Variants in CDC42BPA observed in about 807,000 individuals in gnomAD.
CDC42BPA encodes serine/threonine-protein kinase MRCK alpha.
Under a neutral mutation model 223.5 loss-of-function variants are expected in CDC42BPA, and 80 were observed. The ratio of observed to expected loss-of-function variants is 0.36; its 90% CI spans 0.30 to 0.43. The LOEUF (loss-of-function observed/expected upper bound fraction) is 0.43. Ranked by LOEUF, CDC42BPA falls within the 20% of genes least tolerant of loss-of-function variation. The pLI is 1.00. For missense variants in CDC42BPA, 1,743 were observed against 2,099.9 expected (o/e 0.83, Z 3.32); for synonymous variants, 694 against 718.6 (o/e 0.97, Z 0.55).
At chr1:227,099,069 A>C (rs1684516698) in intron 15 of CDC42BPA, among the ~76,000 whole-genome samples, 1 of 152,044 alleles carries the variant, frequency 6.6e-6, no homozygotes, top group Admixed American at 6.6e-5. Flanking sequence ...AGCATTACTC[A>C]CGTGTATGTG....
At chr1:227,176,889 T>G (rs1160978824) in intron 5 of CDC42BPA, among the ~76,000 whole-genome samples, 1 of 152,120 alleles carries the variant, frequency 6.6e-6, no homozygotes, top group African/African-American at 2.4e-5. Flanking sequence ...TTATAAATCT[T>G]TATCATAAAG....
At chr1:227,096,060 A>T (rs1572778402) in intron 15 of CDC42BPA, among the ~76,000 whole-genome samples, 1 of 152,194 alleles carries the variant, frequency 6.6e-6, no homozygotes, top group African/African-American at 2.4e-5. Flanking sequence ...GTAATGGTTG[A>T]TCTTAAAAGT....
chr1:227,069,556 T>C (rs1433869006), intron 21 of CDC42BPA: 2 of 351,348 alleles, frequency 5.7e-6, no homozygotes, highest in African/African-American at 2.1e-5. Flanking sequence ...ATAATGACTC[T>C]CATGATTAAA....
intron 5 of CDC42BPA, chr1:227,180,555 A>G (rs1385345602): frequency 6.6e-6 from 1 of 152,184 alleles, no homozygotes; most frequent in Non-Finnish European, 1.5e-5. Flanking sequence ...GTGATATTGT[A>G]GGAAACTATA....
chr1:227,005,171 G>A, intron 34 of CDC42BPA, 60 bp from the exon 35 acceptor site: 1 of 1,123,564 alleles, frequency 8.9e-7, no homozygotes, highest in South Asian at 1.3e-5. Flanking sequence ...TTTCTGCAGA[G>A]ATGTCTATTT....
intron 1 of CDC42BPA, among the ~76,000 whole-genome samples, chr1:227,290,903 GA>G (rs1689579596): frequency 6.6e-6 from 1 of 151,766 alleles, no homozygotes; most frequent in Non-Finnish European, 1.5e-5. Context: ...AATTCCTTTC[GA>G]AAATGATACA....
chr1:227,122,880 T>C (rs180851557), intron 11 of CDC42BPA, among the ~76,000 whole-genome samples: 1 of 152,338 alleles, frequency 6.6e-6, no homozygotes, highest in African/African-American at 2.4e-5. Flanking sequence ...GCCTTTACTT[T>C]CACTACAACA....
At chr1:227,286,469 G>T (rs1376428381) in intron 1 of CDC42BPA, among the ~76,000 whole-genome samples, 1 of 152,080 alleles carries the variant, frequency 6.6e-6, no homozygotes, top group African/African-American at 2.4e-5. Context: ...GGGCTTTGTT[G>T]TCCATTCTTC....
At chr1:227,275,737 G>C (rs1052982451) in intron 1 of CDC42BPA, among the ~76,000 whole-genome samples, 1 of 151,990 alleles carries the variant, frequency 6.6e-6, no homozygotes, top group African/African-American at 2.4e-5. Context: ...CGAGTGCCTG[G>C]GATTGCAGGC....
intron 1 of CDC42BPA, among the ~76,000 whole-genome samples, chr1:227,259,988 T>C (rs1683769455): frequency 6.7e-6 from 1 of 150,330 alleles, no homozygotes; most frequent in Non-Finnish European, 1.5e-5. Context: ...ATTATTTTAT[T>C]GGGAGCCATC....
At chr1:227,210,368 G>C (rs1656756608) in intron 3 of CDC42BPA, among the ~76,000 whole-genome samples, 1 of 152,120 alleles carries the variant, frequency 6.6e-6, no homozygotes, top group Non-Finnish European at 1.5e-5. Context: ...GTAAGGTCCT[G>C]AGGTCCCTAG....
rs999370522 is a variant in CDC42BPA at position 226,991,788 on chromosome 1, C to T, written c.*2480G>A. On this transcript the variant is annotated 3_prime_UTR_variant, in exon 37 of 37. Transcript: ENST00000366766. ...AGGGTTATTATTTTGATCTTAAAAGCATCCTTTGCAAAATAAGCACCTATA... is the reference window on the plus strand; with the variant it reads ...AGGGTTATTATTTTGATCTTAAAAGTATCCTTTGCAAAATAAGCACCTATA... The T allele has an allele frequency of 1.4e-5, 2 of 139,392 alleles. No individual in the cohort carries two copies. Among genetic ancestry groups the T allele is most frequent in the African/African-American group, 2.6e-5 (1 of 38,832 alleles). The allele number at this position is 139,392 out of a possible 1,614,324, so 8.6% of individuals were successfully genotyped here.
chr1:227,175,387 GA>G (rs1304202434), intron 5 of CDC42BPA, among the ~76,000 whole-genome samples: 1 of 151,404 alleles, frequency 6.6e-6, no homozygotes, highest in African/African-American at 2.4e-5. Flanking sequence ...GAGTACAATA[GA>G]AAAAAAGTCA....
chr1:227,127,280 G>A (rs1255733748), intron 11 of CDC42BPA, among the ~76,000 whole-genome samples: 3 of 152,066 alleles, frequency 2.0e-5, no homozygotes, highest in Admixed American at 6.6e-5. Flanking sequence ...ACAGCAAAAC[G>A]TTTTAATATT....
At chr1:227,193,589 C>A in intron 5 of CDC42BPA, 197 bp downstream of exon 5, 1 of 524,778 alleles carries the variant, frequency 1.9e-6, no homozygotes, top group South Asian at 3.0e-5. Context: ...TATGTATAAG[C>A]AGGCACATCG....
At chr1:227,085,636 G>C (rs1306039143) in intron 16 of CDC42BPA, among the ~76,000 whole-genome samples, 3 of 152,154 alleles carry the variant, frequency 2.0e-5, no homozygotes, top group Non-Finnish European at 2.9e-5. Flanking sequence ...TATGCATATA[G>C]AGTTTGTCTG....
intron 4 of CDC42BPA, among the ~76,000 whole-genome samples, chr1:227,196,212 T>C (rs1426534323): frequency 1.3e-5 from 2 of 151,904 alleles, no homozygotes; most frequent in Admixed American, 1.3e-4. Flanking sequence ...ATTCTAGAAG[T>C]CTTCGTAGGA....
intron 35 of CDC42BPA, among the ~76,000 whole-genome samples, chr1:226,997,051 C>A (rs549214641): frequency 4.6e-4 from 70 of 152,300 alleles, no homozygotes; most frequent in Non-Finnish European, 9.1e-4. Flanking sequence ...CCTCTTTGTA[C>A]CTCTGGTAGA....
intron 5 of CDC42BPA, among the ~76,000 whole-genome samples, chr1:227,163,289 A>T (rs1330124671): frequency 6.6e-6 from 1 of 152,180 alleles, no homozygotes; most frequent in Non-Finnish European, 1.5e-5. Context: ...TTTTAATTAT[A>T]TACATATCAA....
Sources: gnomAD v4.1 joint callset for allele counts (sites outside exome capture counted in the v4.1 genomes callset) on GRCh38, gnomAD v4.1.1 for gene constraint, MANE v1.5 for transcripts, NCBI Gene and HGNC (gene_info 2026-07-23, HGNC 2026-07-21) for gene names.